The following RNMT variants were observed in gnomAD, a reference collection of about 807,000 sequenced individuals.
RNMT encodes RNA guanine-7 methyltransferase, also known as mRNA cap guanine-N(7) methyltransferase.
RNMT carries 27 observed loss-of-function variants against 56.0 expected under a neutral mutation model. That is an observed-to-expected ratio of 0.48 (90% CI 0.36 to 0.67). RNMT has a LOEUF of 0.67. RNMT is among the 30% of genes least tolerant of loss of function. The probability of loss-of-function intolerance (pLI) is 0.00; values close to 1 mark genes in which losing one functional copy is unlikely to be tolerated. For synonymous variants in RNMT, 184 were observed against 176.2 expected, an observed-to-expected ratio of 1.04 and a Z score of -0.35; for missense variants, 519 against 552.1, an observed-to-expected ratio of 0.94 and a Z score of 0.60.
intron 3 of RNMT, among the ~76,000 whole-genome samples, chr18:13,734,139 A>G (rs1330329059): frequency 1.3e-5 from 2 of 152,134 alleles, no homozygotes; most frequent in East Asian, 1.9e-4. Context: ...GCCGCCATGT[A>G]AGACCTGCCT....
chr18:13,739,792 G>GA (rs770945012), intron 5 of RNMT, among the ~76,000 whole-genome samples: 1 of 151,588 alleles, frequency 6.6e-6, no homozygotes, highest in South Asian at 2.1e-4. Context: ...TCTCAAAAAA[G>GA]AAAAAAAGAA....
chr18:13,731,506 A>C lies in RNMT; in HGVS notation c.-12A>C, dbSNP rs942105975. 1 of 1,572,714 alleles carries C rather than the reference A, an allele frequency of 6.4e-7. No individual in the cohort carries two copies. Among genetic ancestry groups the C allele is most frequent in the Non-Finnish European group, 8.6e-7 (1 of 1,161,890 alleles). On this transcript the variant is annotated 5_prime_UTR_variant, in exon 3 of 12. Coordinates refer to ENST00000383314, the MANE Select transcript of RNMT (RefSeq NM_003799.3). ...GTTCATGAAGTTTTACCATCAATTCAAGTAATCATAAATGGCAAATTCTGC... is the reference window on the plus strand; with the variant it reads ...GTTCATGAAGTTTTACCATCAATTCCAGTAATCATAAATGGCAAATTCTGC...
Position 13,761,434 on chromosome 18 carries a change from G to C in RNMT, c.*1455G>C, listed in dbSNP as rs1262243752. The stretch of plus-strand genomic sequence containing the variant: ...CGTTTTCATTCTAGGGCAGTGCCAG[G>C]AAGTATATTGATAGCTTTGTAGGTA... On this transcript the variant is annotated 3_prime_UTR_variant, in exon 12 of 12. Transcript: ENST00000383314. The C allele has an allele frequency of 1.0e-6, 1 of 985,564 alleles. No homozygotes were observed. The highest frequency in any genetic ancestry group is 1.2e-6 in the Non-Finnish European group (1 of 830,146). The allele number at this position is 985,564 out of a possible 1,614,324, so 61.1% of individuals were successfully genotyped here.
intron 4 of RNMT, 122 bp downstream of exon 4, chr18:13,734,721 T>G: frequency 1.3e-6 from 1 of 799,180 alleles, no homozygotes; most frequent in Non-Finnish European, 1.9e-6. Flanking sequence ...TATTTACTTT[T>G]GGTTGACTGT....
Position 13,761,971 on chromosome 18 carries a change from G to C in RNMT, c.*1992G>C. The C allele has an allele frequency of 6.6e-7, 1 of 1,524,372 alleles. No individual in the cohort carries two copies. 94.4% of individuals were successfully genotyped at this position (1,524,372 alleles called of 1,614,324 possible). A position where few individuals can be genotyped will look rare whatever the true frequency, so the allele number is the denominator to read the frequency against. Reference sequence around the variant, plus strand: ...CTGCCTATCCTCTCCGATCACCAAGGTGGAAGGGAGCTAGTAGGACTCTTC... The same window carrying C: ...CTGCCTATCCTCTCCGATCACCAAGCTGGAAGGGAGCTAGTAGGACTCTTC... On this transcript the variant is annotated 3_prime_UTR_variant, in exon 12 of 12. Coordinates refer to ENST00000383314, the MANE Select transcript of RNMT (RefSeq NM_003799.3).
chr18:13,746,278 G>A lies in RNMT; in HGVS notation c.1198G>A (p.Glu400Lys), dbSNP rs746959876. The change falls in exon 9 of 12, where the codon GAA (glutamate) becomes AAA (lysine). Residue 400 changes from glutamate (E) to lysine (K), a missense_variant. Coordinates refer to ENST00000383314, the MANE Select transcript of RNMT (RefSeq NM_003799.3). ...VYKKTFLEFY[E>K]EKIKNNENKM... is the part of the protein sequence containing the mutation. ...CAAAAAAACATTTCTGGAATTCTAC[G>A]AAGAAAAGATTAAGAACAATGAAAA... The A allele has an allele frequency of 6.3e-6, 10 of 1,577,330 alleles. No homozygotes were observed. The highest frequency in any genetic ancestry group is 1.8e-5 in the Admixed American group (1 of 55,186).
chr18:13,762,809 T>G lies in RNMT; in HGVS notation c.*2830T>G, dbSNP rs1172076985. ...TTTCTTTTTCAGCCTGTTTTTTAGC[T>G]TAGTGCCATTATGTCATTTTGATTT... On this transcript the variant is annotated 3_prime_UTR_variant, in exon 12 of 12. Coordinates refer to ENST00000383314, the MANE Select transcript of RNMT (RefSeq NM_003799.3). 4 of 279,584 alleles carry G rather than the reference T, an allele frequency of 1.4e-5. No homozygotes were observed. The highest frequency in any genetic ancestry group is 2.9e-5 in the Non-Finnish European group (4 of 139,088). The allele number at this position is 279,584 out of a possible 1,614,324, so 17.3% of individuals were successfully genotyped here. A position where few individuals can be genotyped will look rare whatever the true frequency, so the allele number is the denominator to read the frequency against.
chr18:13,747,226 TTTTTTTG>T (rs1464721420), intron 9 of RNMT, among the ~76,000 whole-genome samples: 1 of 62,078 alleles, frequency 1.6e-5, no homozygotes, highest in Non-Finnish European at 4.5e-5. Context: ...CCTATTTTTT[TTTTTTTG>T]TTGTTAATGA....
At chr18:13,727,277 T>C (rs1049769199) in intron 1 of RNMT, among the ~76,000 whole-genome samples, 17 of 152,190 alleles carry the variant, frequency 1.1e-4, no homozygotes, top group African/African-American at 3.6e-4. Flanking sequence ...CGCAGAGACA[T>C]AGCTTGCTTC....
At chr18:13,730,332 G>A (rs997715037) in intron 1 of RNMT, 2 of 152,128 alleles carry the variant, frequency 1.3e-5, no homozygotes, top group African/African-American at 4.8e-5. Flanking sequence ...CCTGAAACTT[G>A]TCTAAAGCCA....
At chr18:13,736,253 GAA>G (rs2044155871) in intron 4 of RNMT, among the ~76,000 whole-genome samples, 3 of 152,158 alleles carry the variant, frequency 2.0e-5, no homozygotes, top group Admixed American at 6.5e-5. Flanking sequence ...ATACACACCT[GAA>G]AGTGTCCAGC....
Position 13,759,938 on chromosome 18 carries a change from TTAGG to T in RNMT, c.1394-1_1396del, listed in dbSNP as rs769690160. 6.2e-6 allele frequency: 10 copies of T among 1,606,930 alleles called. No homozygotes were observed. The highest frequency in any genetic ancestry group is 8.5e-6 in the Non-Finnish European group (10 of 1,173,710). On this transcript the variant is annotated splice_acceptor_variant and splice_polypyrimidine_tract_variant and coding_sequence_variant and intron_variant, in exon 12 of 12. Transcript: ENST00000383314. LOFTEE classifies it high-confidence loss of function. ...AACTGAACTCTTATTTATTTCTTCT[TTAGG>T]TATTTACTTGGTGTTTGCCTTTGAG...
intron 1 of RNMT, among the ~76,000 whole-genome samples, chr18:13,729,755 TTTTA>T (rs1482130284): frequency 2.0e-5 from 3 of 152,176 alleles, no homozygotes; most frequent in East Asian, 1.9e-4. Context: ...CCAAAAGGCT[TTTTA>T]TTTATTTACT....
chr18:13,731,773 C>G lies in RNMT; in HGVS notation c.256C>G (p.Pro86Ala). The change falls in exon 3 of 12, where the codon CCT (proline) becomes GCT (alanine). Residue 86 changes from proline (P) to alanine (A), a missense_variant. By Grantham distance (27) the Pro-to-Ala change is conservative (BLOSUM62 -1). Coordinates refer to ENST00000383314, the MANE Select transcript of RNMT (RefSeq NM_003799.3). ...DTPSKKRKLDPEIVPEEKDCG... is the reference protein window; with the variant it reads ...DTPSKKRKLDAEIVPEEKDCG... ...TCCATCCAAGAAGAGAAAACTTGAT[C>G]CTGAAATTGTCCCAGAGGAAAAAGA... 6.2e-7 allele frequency: 1 copy of G among 1,612,854 alleles called. No homozygotes were observed. The highest frequency in any genetic ancestry group is 8.5e-7 in the Non-Finnish European group (1 of 1,179,794).
In RNMT at chr18:13,760,043, C is replaced by T. The variant is rs1180570572; in HGVS notation, c.*64C>T. 49 of 1,582,056 alleles carry T rather than the reference C, an allele frequency of 3.1e-5. No homozygotes were observed. The highest frequency in any genetic ancestry group is 1.7e-4 in the Middle Eastern group (1 of 5,982). ...CTGCACAAATTTGAACAACTCATCT[C>T]GATATATTTGATATTTCTCTGTCTG... On this transcript the variant is annotated 3_prime_UTR_variant, in exon 12 of 12. Transcript: ENST00000383314.
chr18:13,762,080 G>T lies in RNMT; in HGVS notation c.*2101G>T, dbSNP rs566156796. On this transcript the variant is annotated 3_prime_UTR_variant, in exon 12 of 12. Transcript: ENST00000383314. ...TATGAGGGAGGCATGGCTTTCCACC[G>T]TCGGGCCAGGAAGAGCACCTGTTGC... is the stretch of plus-strand genomic sequence containing the variant. The T allele has an allele frequency of 4.6e-6, 7 of 1,535,896 alleles. No homozygotes were observed. The East Asian group carries it at 1.2e-4, about 27-fold the overall frequency.
In RNMT at chr18:13,763,112, C is replaced by G. The variant is rs182192110; in HGVS notation, c.*3133C>G. 10 of 455,992 alleles carry G rather than the reference C, an allele frequency of 2.2e-5. No homozygotes were observed. In the East Asian group the frequency reaches 7.0e-4, roughly 32 times the overall value. 28.2% of individuals were successfully genotyped at this position (455,992 alleles called of 1,614,324 possible). ...CAAAATGCCTGTGGTACTTGATGGC[C>G]TGTTGGTCAAATAGGAAGTACAAGT... On this transcript the variant is annotated 3_prime_UTR_variant, in exon 12 of 12. Transcript: ENST00000383314.
chr18:13,733,545 T>C (rs542945946), intron 3 of RNMT, among the ~76,000 whole-genome samples: 2 of 152,112 alleles, frequency 1.3e-5, no homozygotes, highest in Non-Finnish European at 2.9e-5. Context: ...GCCCAGCTAA[T>C]TTTTGTATTT....
Position 13,741,612 on chromosome 18 carries a change from A to G in RNMT, c.895A>G (p.Met299Val), listed in dbSNP as rs2044252568. 8.1e-6 allele frequency: 13 copies of G among 1,613,980 alleles called. No homozygotes were observed. The highest frequency in any genetic ancestry group is 1.3e-5 in the African/African-American group (1 of 74,948). ...ATTTGAGTCTTATGAGCAGGCTGAC[A>G]TGATGCTGAGAAATGCGTGTGAGAG... Reference protein sequence around the residue: ...YSFESYEQADMMLRNACERLS... With the variant: ...YSFESYEQADVMLRNACERLS... The change falls in exon 7 of 12, where the codon ATG becomes GTG. Residue 299 changes from methionine to valine, a missense_variant. Transcript: ENST00000383314.
Sources: gnomAD v4.1 joint callset for allele counts (sites outside exome capture counted in the v4.1 genomes callset) on GRCh38, gnomAD v4.1.1 for gene constraint, MANE v1.5 for transcripts, NCBI Gene and HGNC (gene_info 2026-07-23, HGNC 2026-07-21) for gene names.